ZFPM2: variants seen among roughly 807,000 people sequenced by gnomAD.
ZFPM2 encodes the protein zinc finger protein ZFPM2.
Under a neutral mutation model 98.6 loss-of-function variants are expected in ZFPM2, and 20 were observed. The observed-to-expected ratio is 0.20, with a 90% CI of 0.14 to 0.29. The LOEUF is 0.29. Among genes scored for constraint, ZFPM2 ranks in the 10% least tolerant of loss-of-function variants. The pLI is 1.00. For missense variants in ZFPM2, 1,310 were observed against 1,388.6 expected (o/e 0.94, Z 0.90); for synonymous variants, 518 against 502.7 (o/e 1.03, Z -0.41).
At chr8:105,599,390 T>TAAAAAAA (rs1816043219) in intron 4 of ZFPM2, among the ~76,000 whole-genome samples, 1 of 99,686 alleles carries the variant, frequency 1.0e-5, no homozygotes, top group Non-Finnish European at 2.3e-5. Context: ...CTTTTCGTCT[T>TAAAAAAA]TAAAAAAAAA....
chr8:105,701,832 G>A (rs1366718790), intron 5 of ZFPM2, among the ~76,000 whole-genome samples: 1 of 152,192 alleles, frequency 6.6e-6, no homozygotes, highest in African/African-American at 2.4e-5. Context: ...TAAGCCAGGG[G>A]AATTTTCGTT....
intron 3 of ZFPM2, among the ~76,000 whole-genome samples, chr8:105,516,429 A>G (rs1356525218): frequency 6.6e-6 from 1 of 152,072 alleles, no homozygotes; most frequent in Non-Finnish European, 1.5e-5. Context: ...AGATAAATAT[A>G]TTTGGGGATA....
intron 1 of ZFPM2, among the ~76,000 whole-genome samples, chr8:105,372,167 C>T (rs927635830): frequency 6.6e-6 from 1 of 151,972 alleles, no homozygotes; most frequent in African/African-American, 2.4e-5. Context: ...CTCAGCCTCC[C>T]AGGTAGCTGG....
intron 5 of ZFPM2, among the ~76,000 whole-genome samples, chr8:105,656,719 T>C (rs1198925691): frequency 2.0e-5 from 3 of 152,216 alleles, no homozygotes; most frequent in Non-Finnish European, 4.4e-5. Context: ...GAGCCTATTA[T>C]CATGTTTGCT....
chr8:105,354,359 C>T (rs1812702176), intron 1 of ZFPM2, among the ~76,000 whole-genome samples: 1 of 152,178 alleles, frequency 6.6e-6, no homozygotes, highest in African/African-American at 2.4e-5. Flanking sequence ...AATTAAGTTC[C>T]ATTTTCTTTA....
At chr8:105,456,070 G>A (rs1277816957) in intron 3 of ZFPM2, among the ~76,000 whole-genome samples, 1 of 151,948 alleles carries the variant, frequency 6.6e-6, no homozygotes, top group Non-Finnish European at 1.5e-5. Flanking sequence ...ATCTTTAGGG[G>A]AAGGCTAGAG....
intron 4 of ZFPM2, among the ~76,000 whole-genome samples, chr8:105,609,750 C>T (rs778360716): frequency 5.9e-5 from 9 of 152,102 alleles, no homozygotes; most frequent in Non-Finnish European, 1.2e-4. Context: ...TAATGTCATT[C>T]AAAAATAGTT....
chr8:105,718,817 C>G (rs558280399), intron 5 of ZFPM2, among the ~76,000 whole-genome samples: 1 of 151,896 alleles, frequency 6.6e-6, no homozygotes, highest in Non-Finnish European at 1.5e-5. Flanking sequence ...CATGCAATCC[C>G]CGTGTCTCAT....
chr8:105,480,971 C>T (rs1222524551), intron 3 of ZFPM2, among the ~76,000 whole-genome samples: 4 of 152,112 alleles, frequency 2.6e-5, no homozygotes, highest in East Asian at 3.9e-4. Context: ...AAGATGGTCT[C>T]GAACTCCTGA....
At chr8:105,743,888 C>T (rs147612304) in intron 5 of ZFPM2, among the ~76,000 whole-genome samples, 1 of 152,044 alleles carries the variant, frequency 6.6e-6, no homozygotes, top group Non-Finnish European at 1.5e-5. Context: ...ATAGATTTCT[C>T]TTATCACTCT....
intron 5 of ZFPM2, among the ~76,000 whole-genome samples, chr8:105,639,887 G>A (rs933055595): frequency 6.6e-6 from 1 of 151,928 alleles, no homozygotes; most frequent in Non-Finnish European, 1.5e-5. Flanking sequence ...GCCTGTCTGG[G>A]AGCATATCAT....
chr8:105,516,009 C>A (rs896245006), intron 3 of ZFPM2, among the ~76,000 whole-genome samples: 1 of 144,004 alleles, frequency 6.9e-6, no homozygotes, highest in African/African-American at 2.5e-5. Context: ...CTTCTGCCTT[C>A]CGGGTCTCCG....
intron 5 of ZFPM2, among the ~76,000 whole-genome samples, chr8:105,656,111 A>C (rs865932056): frequency 6.6e-6 from 1 of 152,190 alleles, no homozygotes; most frequent in Non-Finnish European, 1.5e-5. Flanking sequence ...CCAAAAATAA[A>C]TAGTAAACCG....
intron 2 of ZFPM2, among the ~76,000 whole-genome samples, chr8:105,429,079 A>G (rs945527673): frequency 2.6e-5 from 4 of 152,202 alleles, no homozygotes; most frequent in African/African-American, 9.7e-5. Context: ...AATGATATAA[A>G]TTTATCAAGC....
At chr8:105,511,300 T>C (rs1289905748) in intron 3 of ZFPM2, among the ~76,000 whole-genome samples, 3 of 152,226 alleles carry the variant, frequency 2.0e-5, no homozygotes, top group African/African-American at 7.2e-5. Context: ...AAGATTCCAA[T>C]CAGCCTGTCC....
intron 3 of ZFPM2, among the ~76,000 whole-genome samples, chr8:105,505,187 G>GT (rs988270204): frequency 1.1e-4 from 17 of 152,090 alleles, no homozygotes; most frequent in African/African-American, 4.1e-4. Context: ...ACTCTGCAAG[G>GT]TTAGCTGCTG....
chr8:105,637,986 G>A (rs563675503), intron 5 of ZFPM2, among the ~76,000 whole-genome samples: 35 of 151,928 alleles, frequency 2.3e-4, no homozygotes, highest in African/African-American at 8.2e-4. Context: ...GGGGTAGATG[G>A]GTTCATCTGC....
At chr8:105,376,124 G>T (rs1371758590) in intron 1 of ZFPM2, among the ~76,000 whole-genome samples, 2 of 152,022 alleles carry the variant, frequency 1.3e-5, no homozygotes, top group Non-Finnish European at 2.9e-5. Flanking sequence ...ACTTTTACTA[G>T]TGGCCTCCAT....
Position 105,636,813 on chromosome 8 carries a change from C to T in ZFPM2, c.532+2456C>T, listed in dbSNP as rs893685550. ...TAACCTGTAAAGGGTAATTTGGCAT[C>T]GTTCAACTTACAAGAACAATTGGTT... On this transcript the variant is annotated intron_variant, in intron 5 of 7. Coordinates refer to ENST00000407775, the MANE Select transcript of ZFPM2 (RefSeq NM_012082.4). 2.4e-4 allele frequency among the ~76,000 whole-genome samples: 36 copies of T among 152,164 alleles called. 1 individual carries two copies. The highest frequency in any genetic ancestry group is 1.4e-3 in the Admixed American group (22 of 15,266).
Sources: allele counts gnomAD v4.1 joint callset (sites outside exome capture counted in the v4.1 genomes callset), GRCh38; gene constraint gnomAD v4.1.1; transcripts MANE v1.5; gene names NCBI Gene and HGNC (gene_info 2026-07-23, HGNC 2026-07-21).